Variants in SAMD11 observed in about 807,000 individuals in gnomAD.
SAMD11 encodes sterile alpha motif domain containing 11.
Under a neutral mutation model 64.4 loss-of-function variants are expected in SAMD11, and 77 were observed. That is an observed-to-expected ratio of 1.20 (90% CI 0.99 to 1.44). SAMD11 has a LOEUF of 1.44. SAMD11 is among the 40% of genes most tolerant of loss of function. SAMD11 has a pLI of 0.00. For synonymous variants in SAMD11, 658 were observed against 421.9 expected, an observed-to-expected ratio of 1.56 and a Z score of -6.86; for missense variants, 1,402 against 943.3, an observed-to-expected ratio of 1.49 and a Z score of -6.37.
At chr1:941,880 C>T (rs1641790846) in intron 8 of SAMD11, among the ~76,000 whole-genome samples, 1 of 152,138 alleles carries the variant, frequency 6.6e-6, no homozygotes, top group Non-Finnish European at 1.5e-5. Flanking sequence ...GGGAGGGGAG[C>T]AGGCGGGGCC....
intron 4 of SAMD11, among the ~76,000 whole-genome samples, chr1:934,789 G>T (rs189458368): frequency 0.039 from 4 of 102 alleles, 2 homozygotes; most frequent in East Asian, 0.5. Flanking sequence ...GTTACAGGTG[G>T]GCAGGGGAGG....
rs541578524 is a variant in SAMD11, at chr1:929,525, A to G, written c.610-630A>G. On this transcript the variant is annotated intron_variant, in intron 2 of 13. Coordinates refer to ENST00000616016, the MANE Select transcript of SAMD11 (RefSeq NM_001385641.1). ...GGGCTGTGCGTGGCGCTGATGAAAT[A>G]GAAAAGGGCATTCGCTTGTCAACGT... 2.0e-5 allele frequency among the ~76,000 whole-genome samples: 3 copies of G among 152,352 alleles called. No homozygotes were observed. The South Asian group carries it at 6.2e-4, about 32-fold the overall frequency.
chr1:935,744 G>T (rs770856449), intron 4 of SAMD11, 28 bp from the exon 5 acceptor site: 6 of 1,612,624 alleles, frequency 3.7e-6, no homozygotes, highest in Non-Finnish European at 4.2e-6. Context: ...TGCCCACGGG[G>T]TCAGCTTTTC....
Position 942,628 on chromosome 1 carries a change from C to G in SAMD11, c.1623C>G (p.Pro541=). Residue 541 remains proline (P), a synonymous_variant, in exon 11 of 14, where the codon CCC becomes CCG. Coordinates refer to ENST00000616016, the MANE Select transcript of SAMD11 (RefSeq NM_001385641.1). ...GCGCGCGCCCACAGCTGCTGGCGCCCGAGACCGCCCTGCGCCCCAACGACG... is the reference window on the plus strand; with the variant it reads ...GCGCGCGCCCACAGCTGCTGGCGCCGGAGACCGCCCTGCGCCCCAACGACG... ...LESARPQLLA[P]ETALRPNDGA... 3 of 1,438,682 alleles carry G rather than the reference C, an allele frequency of 2.1e-6. No individual in the cohort carries two copies. The highest frequency in any genetic ancestry group is 1.5e-5 in the African/African-American group (1 of 66,950). 89.1% of individuals were successfully genotyped at this position (1,438,682 alleles called of 1,614,324 possible).
intron 2 of SAMD11, 126 bp downstream of exon 2, chr1:926,139 C>G (rs1640874415): frequency 8.8e-6 from 8 of 906,816 alleles, no homozygotes; most frequent in Non-Finnish European, 1.4e-5. Context: ...GAGGGAGCCT[C>G]CGAAGGGCAG....
chr1:939,217 G>A, intron 6 of SAMD11, 58 bp from the exon 7 acceptor site: 1 of 1,554,540 alleles, frequency 6.4e-7, no homozygotes, highest in South Asian at 1.2e-5. Flanking sequence ...GCACTCTAGA[G>A]GGGCGTGGTC....
In SAMD11 at chr1:941,224, A is replaced by C; in HGVS notation, c.1276A>C (p.Thr426Pro). ...CCTGGAAGCCCACCTGCCCTCCTCC[A>C]CGGCAGGTCAGCGTCGGAAGCAGGG... ...SGLEAHLPSS[T>P]AGQRRKQGLA... is the part of the protein sequence containing the mutation. The change falls in exon 8 of 14, where the codon ACG (threonine) becomes CCG (proline). Residue 426 changes from threonine (T) to proline (P), a missense_variant. By Grantham distance (38) the Thr-to-Pro change is conservative (BLOSUM62 -1). Transcript: ENST00000616016. 6.2e-7 allele frequency: 1 copy of C among 1,601,424 alleles called. No individual in the cohort carries two copies. Among genetic ancestry groups the C allele is most frequent in the Non-Finnish European group, 8.5e-7 (1 of 1,174,878 alleles).
In SAMD11 at chr1:939,294, G is replaced by C; in HGVS notation, c.1077G>C (p.Arg359=). Residue 359 remains arginine, a synonymous_variant, in exon 7 of 14, where the codon CGG becomes CGC. Coordinates refer to ENST00000616016, the MANE Select transcript of SAMD11 (RefSeq NM_001385641.1). ...ESPQEALLLP[R]ELGPSMAPED... Reference sequence around the variant, plus strand: ...CAGCAGAGGCGCTGCTGCTGCCGCGGGAGCTGGGGCCCAGCATGGCCCCGG... The same window carrying C: ...CAGCAGAGGCGCTGCTGCTGCCGCGCGAGCTGGGGCCCAGCATGGCCCCGG... 3 of 1,608,552 alleles carry C rather than the reference G, an allele frequency of 1.9e-6. No individual in the cohort carries two copies. The highest frequency in any genetic ancestry group is 2.5e-6 in the Non-Finnish European group (3 of 1,178,272).
chr1:944,305 T>G lies in SAMD11; in HGVS notation c.*152T>G. 2 of 1,392,054 alleles carry G rather than the reference T, an allele frequency of 1.4e-6. No individual in the cohort carries two copies. Among genetic ancestry groups the G allele is most frequent in the African/African-American group, 1.5e-5 (1 of 68,042 alleles). 86.2% of individuals were successfully genotyped at this position (1,392,054 alleles called of 1,614,324 possible). A position where few individuals can be genotyped will look rare whatever the true frequency, so the allele number is the denominator to read the frequency against. Reference sequence around the variant, plus strand: ...GTGACTTCAAAGGAAAGGAACAAATTTTCAAAGACTTGGGGGAGTGAAGGC... The same window carrying G: ...GTGACTTCAAAGGAAAGGAACAAATGTTCAAAGACTTGGGGGAGTGAAGGC... On this transcript the variant is annotated 3_prime_UTR_variant, in exon 14 of 14. Transcript: ENST00000616016.
At chr1:936,480 A>C (rs1252931443) in intron 5 of SAMD11, among the ~76,000 whole-genome samples, 1 of 151,624 alleles carries the variant, frequency 6.6e-6, no homozygotes, top group Non-Finnish European at 1.5e-5. Context: ...CTCGGGAGGG[A>C]AGGGATCCGG....
rs1329048933 is a variant in SAMD11 at position 942,705 on chromosome 1, C to A, written c.1700C>A (p.Ala567Glu). Residue 567 changes from alanine (A) to glutamate (E), a missense_variant, in exon 11 of 14, where the codon GCG becomes GAG. Ala to Glu is a moderately radical substitution (Grantham distance 107). Transcript: ENST00000616016. The stretch of plus-strand genomic sequence containing the variant: ...GCCCTGCTGGTGCTGAACCACGGCG[C>A]GGCGCCACTGCTGGCCCTGCCCCCC... ...RGALLVLNHGAAPLLALPPQG... is the reference protein window; with the variant it reads ...RGALLVLNHGEAPLLALPPQG... The A allele has an allele frequency of 6.9e-7, 1 of 1,441,944 alleles. No homozygotes were observed. 89.3% of individuals were successfully genotyped at this position (1,441,944 alleles called of 1,614,324 possible).
At chr1:938,636 T>C (rs1180280995) in intron 5 of SAMD11, among the ~76,000 whole-genome samples, 1 of 151,990 alleles carries the variant, frequency 6.6e-6, no homozygotes, top group Non-Finnish European at 1.5e-5. Flanking sequence ...CACGCTGGCA[T>C]GTGACCCTGC....
intron 5 of SAMD11, among the ~76,000 whole-genome samples, chr1:938,241 C>T (rs1174530361): frequency 1.3e-5 from 2 of 151,006 alleles, no homozygotes; most frequent in African/African-American, 2.4e-5. Flanking sequence ...CTGGGCCTCC[C>T]CTCTGCCACC....
rs979308553 is a variant in SAMD11 at position 939,073 on chromosome 1, C to G, written c.1001C>G (p.Pro334Arg). 5 of 1,605,908 alleles carry G rather than the reference C, an allele frequency of 3.1e-6. No homozygotes were observed. In the Middle Eastern group the frequency reaches 4.9e-4, roughly 158 times the overall value. The part of the protein sequence containing the change: ...DLLGKRLGRS[P>R]RISSDCFSEK... ...TTGGGCAAGAGGCTGGGCCGCTCCCCCCGTATCAGCAGCGACTGCTTTTCA... is the reference window on the plus strand; with the variant it reads ...TTGGGCAAGAGGCTGGGCCGCTCCCGCCGTATCAGCAGCGACTGCTTTTCA... The change falls in exon 6 of 14, where the codon CCC becomes CGC. Residue 334 changes from proline (P) to arginine (R), a missense_variant. Pro to Arg is a moderately radical substitution (Grantham distance 103). Coordinates refer to ENST00000616016, the MANE Select transcript of SAMD11 (RefSeq NM_001385641.1).
chr1:924,991 G>A (rs1011231974), intron 1 of SAMD11, 43 bp downstream of exon 1: 1 of 151,480 alleles, frequency 6.6e-6, no homozygotes, highest in African/African-American at 2.4e-5. Context: ...CGCGGGCCCC[G>A]ACCCCACCCC....
chr1:940,390 A>G (rs4970379), intron 7 of SAMD11: 68,784 of 150,332 alleles, frequency 0.46, 18,051 homozygotes, highest in Non-Finnish European at 0.59. Flanking sequence ...GCTGGGATCG[A>G]TGCGGGCGGC....
Position 942,691 on chromosome 1 carries a change from G to A in SAMD11, c.1686G>A (p.Val562=). The change falls in exon 11 of 14, where the codon GTG becomes GTA. Residue 562 remains valine, a synonymous_variant. Coordinates refer to ENST00000616016, the MANE Select transcript of SAMD11 (RefSeq NM_001385641.1). ...EELQRRGALL[V]LNHGAAPLLA... ...TGCAGCGGCGCGGGGCCCTGCTGGT[G>A]CTGAACCACGGCGCGGCGCCACTGC... 1.4e-6 allele frequency: 2 copies of A among 1,445,978 alleles called. No homozygotes were observed. Among genetic ancestry groups the A allele is most frequent in the Admixed American group, 2.8e-5 (1 of 35,342 alleles). 89.6% of individuals were successfully genotyped at this position (1,445,978 alleles called of 1,614,324 possible).
In SAMD11 at chr1:935,813, G is replaced by A. The variant is rs200364890; in HGVS notation, c.884G>A (p.Arg295His). The change falls in exon 5 of 14, where the codon CGC becomes CAC. Residue 295 changes from arginine to histidine, a missense_variant. By Grantham distance (29) the Arg-to-His change is conservative. Coordinates refer to ENST00000616016, the MANE Select transcript of SAMD11 (RefSeq NM_001385641.1). ...NLPTLISSVH[R>H]SRHLVMPEHQ... is the part of the protein sequence containing the mutation. The stretch of plus-strand genomic sequence containing the variant: ...CCCACCCTCATATCCAGCGTCCACC[G>A]CAGCCGCCACCTCGTTATGCCCGAG... 31 of 1,613,302 alleles carry A rather than the reference G, an allele frequency of 1.9e-5. No homozygotes were observed. The highest frequency in any genetic ancestry group is 6.7e-5 in the East Asian group (3 of 44,890).
intron 5 of SAMD11, among the ~76,000 whole-genome samples, chr1:938,072 G>A (rs754447720): frequency 6.6e-6 from 1 of 151,994 alleles, no homozygotes; most frequent in African/African-American, 2.4e-5. Context: ...GGCCAGAGTC[G>A]GAGGCACTGG....
Sources: gnomAD v4.1 joint callset for allele counts (sites outside exome capture counted in the v4.1 genomes callset) on GRCh38, gnomAD v4.1.1 for gene constraint, MANE v1.5 for transcripts, NCBI Gene and HGNC (gene_info 2026-07-23, HGNC 2026-07-21) for gene names.